The following SEPTIN11 variants were observed in gnomAD, a reference collection of about 807,000 sequenced individuals.
SEPTIN11 encodes the protein septin 11.
Under a neutral mutation model 51.4 loss-of-function variants are expected in SEPTIN11, and 25 were observed. The observed-to-expected ratio is 0.49, with a 90% CI of 0.35 to 0.68. The LOEUF (loss-of-function observed/expected upper bound fraction) is 0.68, where lower values mean the gene tolerates loss of function less well. Ranked by LOEUF, SEPTIN11 falls within the 30% of genes least tolerant of loss-of-function variation. The pLI is 0.00. For synonymous variants in SEPTIN11, 174 were observed against 184.1 expected, an observed-to-expected ratio of 0.95 and a Z score of 0.44; for missense variants, 381 against 520.8, an observed-to-expected ratio of 0.73 and a Z score of 2.61.
At chr4:76,951,195 C>G (rs1282366861) in intron 1 of SEPTIN11, among the ~76,000 whole-genome samples, 1 of 152,216 alleles carries the variant, frequency 6.6e-6, no homozygotes, top group African/African-American at 2.4e-5. Context: ...CTTTTGCACC[C>G]TACCCCCTCG....
intron 1 of SEPTIN11, among the ~76,000 whole-genome samples, chr4:76,970,021 A>G (rs753726691): frequency 6.6e-6 from 1 of 152,192 alleles, no homozygotes; most frequent in Non-Finnish European, 1.5e-5. Context: ...AATAAATAAC[A>G]GCTCAACTCC....
intron 1 of SEPTIN11, among the ~76,000 whole-genome samples, chr4:76,966,080 A>G (rs182381005): frequency 2.0e-3 from 301 of 152,270 alleles, no homozygotes; most frequent in Non-Finnish European, 3.3e-3. Flanking sequence ...TTTGTTAACT[A>G]TGTTCCTGGG....
Position 77,028,639 on chromosome 4 carries a change from A to G in SEPTIN11, c.964A>G (p.Thr322Ala). 2 of 1,611,014 alleles carry G rather than the reference A, an allele frequency of 1.2e-6. No homozygotes were observed. Among genetic ancestry groups the G allele is most frequent in the African/African-American group, 2.7e-5 (2 of 74,786 alleles). ...PDSKPFSLQE[T>A]YEAKRNEFLG... is the part of the protein sequence containing the mutation. The stretch of plus-strand genomic sequence containing the variant: ...GTGGATTTTCAATAGTCTTCAGGAG[A>G]CATATGAAGCAAAAAGGAATGAATT... Residue 322 changes from threonine to alanine, a missense_variant, in exon 8 of 10, where the codon ACA becomes GCA. Physicochemically the swap from Thr to Ala is moderately conservative, Grantham distance 58 (BLOSUM62 0). This residue lies in a region of SEPTIN11 where 197 missense variants were observed against 313.1 expected (regional missense o/e 0.63). Coordinates refer to ENST00000264893, the MANE Select transcript of SEPTIN11 (RefSeq NM_018243.4).
At chr4:76,955,949 T>C (rs1721541031) in intron 1 of SEPTIN11, among the ~76,000 whole-genome samples, 1 of 152,198 alleles carries the variant, frequency 6.6e-6, no homozygotes, top group African/African-American at 2.4e-5. Context: ...GTAGGACTCT[T>C]TCCACCTTGG....
chr4:77,022,641 C>G (rs746062801), intron 7 of SEPTIN11, among the ~76,000 whole-genome samples: 78 of 152,110 alleles, frequency 5.1e-4, no homozygotes, highest in Non-Finnish European at 1.6e-4. Flanking sequence ...TTTCCCAACC[C>G]CTAGACGAGA....
intron 1 of SEPTIN11, among the ~76,000 whole-genome samples, chr4:76,991,584 A>AGAAGGG (rs1336756495): frequency 2.0e-5 from 3 of 152,166 alleles, no homozygotes; most frequent in Admixed American, 6.5e-5. Context: ...GCATAGAAAC[A>AGAAGGG]TTTATCCAGA....
intron 1 of SEPTIN11, among the ~76,000 whole-genome samples, chr4:76,969,483 A>G (rs1165599853): frequency 1.3e-5 from 2 of 152,232 alleles, no homozygotes; most frequent in East Asian, 3.8e-4. Context: ...AAAGTTACAG[A>G]GAAATTTGAG....
At chr4:77,038,632 T>C, downstream of SEPTIN11, 1 of 995,132 alleles carries the variant, frequency 1.0e-6, no homozygotes, top group Non-Finnish European at 1.2e-6. Context: ...TGCCCTTTTT[T>C]GTGAGTTCTT....
At chr4:76,964,213 T>G (rs921519641) in intron 1 of SEPTIN11, among the ~76,000 whole-genome samples, 23 of 151,840 alleles carry the variant, frequency 1.5e-4, no homozygotes, top group Non-Finnish European at 3.4e-4. Context: ...TAACAAAAAT[T>G]CCAAACATAC....
chr4:76,989,469 A>G (rs558343697), intron 1 of SEPTIN11, among the ~76,000 whole-genome samples: 2 of 152,244 alleles, frequency 1.3e-5, no homozygotes, highest in Non-Finnish European at 2.9e-5. Flanking sequence ...GATAAGGATC[A>G]GAGGCTACGG....
Position 76,996,532 on chromosome 4 carries a change from T to G in SEPTIN11, c.135T>G (p.Leu45=). 6.8e-6 allele frequency: 11 copies of G among 1,612,216 alleles called. No individual in the cohort carries two copies. Among genetic ancestry groups the G allele is most frequent in the Non-Finnish European group, 8.5e-6 (10 of 1,178,276 alleles). ...CTCAAGGATTCTGTTTCAACATCCT[T>G]TGTGTTGGTAAGTTATTCATCACCC... ...STSQGFCFNI[L]CVGETGIGKS... The change falls in exon 2 of 10, where the codon CTT becomes CTG. Residue 45 remains leucine, a synonymous_variant. Coordinates refer to ENST00000264893, the MANE Select transcript of SEPTIN11 (RefSeq NM_018243.4).
intron 9 of SEPTIN11, among the ~76,000 whole-genome samples, chr4:77,034,066 A>G (rs899759727): frequency 6.6e-6 from 1 of 152,192 alleles, no homozygotes; most frequent in Non-Finnish European, 1.5e-5. Context: ...CTTCAAGTCA[A>G]TTGTACAAAG....
In SEPTIN11 at chr4:77,029,383, T is replaced by C. The variant is rs567062421; in HGVS notation, c.1086+622T>C. On this transcript the variant is annotated intron_variant, in intron 8 of 9. Transcript: ENST00000264893. ...GTGTGCTTGTGTGCATAATGTCTAT[T>C]TCTGCTGGTCAATAATGAGTATCTG... 3.3e-5 allele frequency among the ~76,000 whole-genome samples: 5 copies of C among 152,330 alleles called. No individual in the cohort carries two copies. In the East Asian group the frequency reaches 9.6e-4, roughly 29 times the overall value.
chr4:77,032,103 C>T (rs1475737108), intron 9 of SEPTIN11: 3 of 152,170 alleles, frequency 2.0e-5, no homozygotes, highest in Non-Finnish European at 2.9e-5. Flanking sequence ...AGTAGGCTCA[C>T]CCCTAAGGAA....
At position 77,035,392 on chromosome 4, in the gene SEPTIN11, G is replaced by T. The variant is rs924749939; in HGVS notation, c.*880G>T. ...TTGTTCCCAGTGGGCTTAGAGGGAG[G>T]ACCTGATGACTGATTCCAGGATACT... On this transcript the variant is annotated 3_prime_UTR_variant, in exon 10 of 10. Coordinates refer to ENST00000264893, the MANE Select transcript of SEPTIN11 (RefSeq NM_018243.4). 2.0e-6 allele frequency: 2 copies of T among 985,348 alleles called. No homozygotes were observed. The highest frequency in any genetic ancestry group is 3.5e-5 in the African/African-American group (2 of 57,336). The allele number at this position is 985,348 out of a possible 1,614,324, so 61.0% of individuals were successfully genotyped here. A position where few individuals can be genotyped will look rare whatever the true frequency, so the allele number is the denominator to read the frequency against.
chr4:76,970,201 A>C (rs1040752317), intron 1 of SEPTIN11, among the ~76,000 whole-genome samples: 1 of 152,178 alleles, frequency 6.6e-6, no homozygotes, highest in Non-Finnish European at 1.5e-5. Flanking sequence ...GTCATCCTTC[A>C]GGACTCTCAA....
chr4:76,997,466 T>C (rs1723803197), intron 2 of SEPTIN11, among the ~76,000 whole-genome samples: 1 of 152,212 alleles, frequency 6.6e-6, no homozygotes, highest in South Asian at 2.1e-4. Flanking sequence ...GGAGTGCAGA[T>C]ATTTTTCTTT....
In SEPTIN11 at chr4:77,038,438, A is replaced by G; in HGVS notation, c.*3926A>G. 1.0e-6 allele frequency: 1 copy of G among 985,614 alleles called. No individual in the cohort carries two copies. The highest frequency in any genetic ancestry group is 1.2e-6 in the Non-Finnish European group (1 of 829,698). The allele number at this position is 985,614 out of a possible 1,614,324, so 61.1% of individuals were successfully genotyped here. On this transcript the variant is annotated 3_prime_UTR_variant, in exon 10 of 10. Transcript: ENST00000264893. ...GTTAGACATTTGTCTTTTTTAAACT[A>G]AAGTAATTGTATTGATGTGAAGCAT...
chr4:76,994,782 G>A (rs1190215178), intron 1 of SEPTIN11, among the ~76,000 whole-genome samples: 2 of 151,212 alleles, frequency 1.3e-5, no homozygotes, highest in East Asian at 2.0e-4. Context: ...ACAAACATTT[G>A]AAATGGGGTC....
Sources: allele counts gnomAD v4.1 joint callset (sites outside exome capture counted in the v4.1 genomes callset), GRCh38; gene constraint gnomAD v4.1.1; regional missense constraint gnomAD v4.1.1; transcripts MANE v1.5; gene names NCBI Gene and HGNC (gene_info 2026-07-23, HGNC 2026-07-21).